DISC1: variants seen among roughly 807,000 people sequenced by gnomAD.
The protein encoded by DISC1 is DISC1 scaffold protein, also known as disrupted in schizophrenia 1 protein.
Under a neutral mutation model 84.5 loss-of-function variants are expected in DISC1, and 57 were observed. The ratio of observed to expected loss-of-function variants is 0.67; its 90% CI spans 0.55 to 0.84. DISC1 has a LOEUF of 0.84. Among genes scored for constraint, DISC1 ranks in the 40% least tolerant of loss-of-function variants. The pLI, the probability that DISC1 is intolerant of heterozygous loss-of-function variation, is 0.00. For missense variants in DISC1, 1,000 were observed against 1,057.8 expected (o/e 0.95, Z 0.76); for synonymous variants, 411 against 415.2 (o/e 0.99, Z 0.12).
chr1:231,850,850 C>G (rs1392863698), intron 9 of DISC1, among the ~76,000 whole-genome samples: 1 of 152,190 alleles, frequency 6.6e-6, no homozygotes, highest in African/African-American at 2.4e-5. Flanking sequence ...CGCTCTGGCT[C>G]TCTGCTATCT....
intron 10 of DISC1, among the ~76,000 whole-genome samples, chr1:231,970,338 C>T (rs975152386): frequency 2.0e-5 from 3 of 152,214 alleles, no homozygotes; most frequent in African/African-American, 4.8e-5. Context: ...ATTTGCATTT[C>T]TCTGATGGCC....
At chr1:231,791,677 TA>T (rs1346370094) in intron 6 of DISC1, among the ~76,000 whole-genome samples, 12 of 152,248 alleles carry the variant, frequency 7.9e-5, no homozygotes, top group Non-Finnish European at 1.8e-4. Flanking sequence ...GGGTAAGGCA[TA>T]ATTTCATCTG....
chr1:231,825,160 C>A (rs1269087643), intron 9 of DISC1, among the ~76,000 whole-genome samples: 2 of 152,310 alleles, frequency 1.3e-5, no homozygotes, highest in Admixed American at 6.5e-5. Flanking sequence ...AAAGTCCCTA[C>A]TATTGTTACA....
intron 3 of DISC1, chr1:231,722,825 C>T: frequency 7.0e-7 from 1 of 1,435,958 alleles, no homozygotes; most frequent in East Asian, 2.5e-5. Context: ...GGCATTTCTG[C>T]CCACTGTACC....
At position 231,826,539 on chromosome 1, in the gene DISC1, T is replaced by C. The variant is rs1036317815; in HGVS notation, c.1981+8022T>C. Among the ~76,000 whole-genome samples, 3 of 152,182 alleles carry C rather than the reference T, an allele frequency of 2.0e-5. No homozygotes were observed. In the East Asian group the frequency reaches 5.8e-4, roughly 29 times the overall value. On this transcript the variant is annotated intron_variant, in intron 9 of 12. Coordinates refer to ENST00000439617, the MANE Select transcript of DISC1 (RefSeq NM_018662.3). This position sits in a 1 kb window ranked among gnomAD's most constrained non-coding sequence, Gnocchi z 4.2. The stretch of plus-strand genomic sequence containing the variant: ...TGCTATAGCAGATGGATAATTTAAC[T>C]CAGTAGTAGGAGGTTCTATAGGTTA...
intron 10 of DISC1, among the ~76,000 whole-genome samples, chr1:231,967,350 C>G (rs1661264285): frequency 6.6e-6 from 1 of 152,216 alleles, no homozygotes; most frequent in Non-Finnish European, 1.5e-5. Flanking sequence ...GCACACAAAA[C>G]AGTTTACTGG....
chr1:231,705,202 C>T (rs769571483), intron 3 of DISC1, among the ~76,000 whole-genome samples: 18 of 145,648 alleles, frequency 1.2e-4, no homozygotes, highest in Non-Finnish European at 2.5e-4. Flanking sequence ...GCAGGAGAAT[C>T]GCTTGAACCC....
intron 11 of DISC1, among the ~76,000 whole-genome samples, chr1:232,015,633 T>G (rs951914804): frequency 1.3e-5 from 2 of 152,178 alleles, no homozygotes; most frequent in Non-Finnish European, 2.9e-5. Flanking sequence ...CCCAGGAGCT[T>G]CCGGTCCCCC....
At chr1:231,867,536 T>C (rs1307140535) in intron 9 of DISC1, among the ~76,000 whole-genome samples, 4 of 152,122 alleles carry the variant, frequency 2.6e-5, no homozygotes, top group Admixed American at 6.5e-5. Flanking sequence ...ATCAGATACA[T>C]AGATGCTCTT....
intron 7 of DISC1, among the ~76,000 whole-genome samples, chr1:231,799,806 G>A (rs1391560627): frequency 6.8e-6 from 1 of 146,894 alleles, no homozygotes; most frequent in Non-Finnish European, 1.5e-5. Flanking sequence ...CTTTATTTTT[G>A]TTCTTCTTCC....
At chr1:231,666,312 A>G (rs78621764) in intron 1 of DISC1, among the ~76,000 whole-genome samples, 97 of 140,152 alleles carry the variant, frequency 6.9e-4, no homozygotes, top group African/African-American at 2.9e-3. Flanking sequence ...GTCTCAGGAA[A>G]AAAAAAAAAA....
chr1:231,832,815 CT>C (rs1558624875), intron 9 of DISC1, among the ~76,000 whole-genome samples: 1 of 149,100 alleles, frequency 6.7e-6, no homozygotes, highest in African/African-American at 2.5e-5. Flanking sequence ...CTGAACTAAC[CT>C]GTAAGGCTTG....
chr1:231,875,360 G>A (rs1232282165), intron 9 of DISC1, among the ~76,000 whole-genome samples: 2 of 152,116 alleles, frequency 1.3e-5, no homozygotes, highest in South Asian at 2.1e-4. Flanking sequence ...GGTGAGTGAA[G>A]GCCACTTGTC....
intron 4 of DISC1, among the ~76,000 whole-genome samples, chr1:231,762,868 A>T (rs1469278596): frequency 6.6e-6 from 1 of 152,088 alleles, no homozygotes; most frequent in Non-Finnish European, 1.5e-5. Flanking sequence ...AGTTCGCTCC[A>T]TAGGGAAAAC....
intron 10 of DISC1, among the ~76,000 whole-genome samples, chr1:231,966,872 A>G (rs1315758019): frequency 6.6e-6 from 1 of 152,180 alleles, no homozygotes; most frequent in Non-Finnish European, 1.5e-5. Context: ...TCCAGTGTGC[A>G]TCACACTTTT....
intron 9 of DISC1, among the ~76,000 whole-genome samples, chr1:231,868,695 TATATATATATA>T (rs1558670195): frequency 4.1e-3 from 8 of 1,946 alleles, no homozygotes; most frequent in East Asian, 0.083. Context: ...CCATCTCTTA[TATATATATATA>T]TATATATATA....
At chr1:231,847,397 G>A (rs1288353020) in intron 9 of DISC1, among the ~76,000 whole-genome samples, 1 of 152,064 alleles carries the variant, frequency 6.6e-6, no homozygotes, top group Non-Finnish European at 1.5e-5. Flanking sequence ...AAGTTTTGGG[G>A]GAGGACACAG....
chr1:231,984,253 A>T (rs367944368), intron 10 of DISC1, among the ~76,000 whole-genome samples: 1 of 152,268 alleles, frequency 6.6e-6, no homozygotes, highest in African/African-American at 2.4e-5. Context: ...GTAAAGTACA[A>T]GTTTACCAGG....
chr1:231,902,708 G>A (rs1457837037), intron 9 of DISC1, among the ~76,000 whole-genome samples: 5 of 152,146 alleles, frequency 3.3e-5, no homozygotes, highest in Non-Finnish European at 7.3e-5. Flanking sequence ...GTCTGAAATC[G>A]AGGTGTTGTT....
Sources: allele counts gnomAD v4.1 joint callset (sites outside exome capture counted in the v4.1 genomes callset), GRCh38; gene constraint gnomAD v4.1.1; non-coding constraint Gnocchi (gnomAD v3.1); transcripts MANE v1.5; gene names NCBI Gene and HGNC (gene_info 2026-07-23, HGNC 2026-07-21).